CACNB2: variants seen among roughly 807,000 people sequenced by gnomAD.
The protein encoded by CACNB2 is voltage-dependent L-type calcium channel subunit beta-2.
Under a neutral mutation model 73.3 loss-of-function variants are expected in CACNB2, and 42 were observed. That is an observed-to-expected ratio of 0.57 (90% CI 0.45 to 0.74). The LOEUF (loss-of-function observed/expected upper bound fraction) is 0.74. Among genes scored for constraint, CACNB2 ranks in the 30% least tolerant of loss-of-function variants. CACNB2 has a pLI of 0.00. For synonymous variants in CACNB2, 348 were observed against 310.3 expected (o/e 1.12, Z -1.28); for missense variants, 940 against 853.0 (o/e 1.10, Z -1.27).
At chr10:18,428,832 A>G (rs183082533) in intron 3 of CACNB2, among the ~76,000 whole-genome samples, 15 of 152,352 alleles carry the variant, frequency 9.8e-5, no homozygotes, top group East Asian at 1.9e-4. Context: ...CTTAAAATCT[A>G]AAGTTAACCA....
rs540981274 is a variant in CACNB2 at position 18,170,071 on chromosome 10, T to C, written c.213+19096T>C. Among the ~76,000 whole-genome samples the C allele has an allele frequency of 1.0e-3, 158 of 152,318 alleles. 2 individuals carry two copies. Among genetic ancestry groups the C allele is most frequent in the African/African-American group, 3.4e-3 (142 of 41,584 alleles). On this transcript the variant is annotated intron_variant, in intron 2 of 13. Transcript: ENST00000324631. ...ATACTGCAGTGCACCTCATTGGCTC[T>C]GGTTGGATGATGGCATGTCCATGAA... is the stretch of plus-strand genomic sequence containing the variant.
chr10:18,377,067 A>G (rs2042827459), intron 2 of CACNB2, among the ~76,000 whole-genome samples: 2 of 152,216 alleles, frequency 1.3e-5, no homozygotes, highest in South Asian at 4.1e-4. Flanking sequence ...ATTTACCCTG[A>G]AGTGATTATT....
intron 2 of CACNB2, among the ~76,000 whole-genome samples, chr10:18,373,727 G>T (rs959478307): frequency 2.0e-5 from 3 of 152,202 alleles, no homozygotes. Flanking sequence ...GTATTTTTTT[G>T]ATTTATATTT....
intron 3 of CACNB2, among the ~76,000 whole-genome samples, chr10:18,450,714 C>A (rs561549498): frequency 7.0e-4 from 106 of 151,578 alleles, no homozygotes; most frequent in African/African-American, 2.5e-3. Context: ...TCGCCGCCCC[C>A]TGGGTTCAAG....
In CACNB2 at chr10:18,191,334, C is replaced by G. The variant is rs571032156; in HGVS notation, c.213+40359C>G. ...CTGGGGAAGGAACTAGAACTTGACACCAGCTGCCCCCCGTGTATTGCTGCT... is the reference window on the plus strand; with the variant it reads ...CTGGGGAAGGAACTAGAACTTGACAGCAGCTGCCCCCCGTGTATTGCTGCT... On this transcript the variant is annotated intron_variant, in intron 2 of 13. Coordinates refer to ENST00000324631, the MANE Select transcript of CACNB2 (RefSeq NM_201596.3). Among the ~76,000 whole-genome samples the G allele has an allele frequency of 3.3e-5, 5 of 152,328 alleles. No homozygotes were observed. The South Asian group carries it at 1.0e-3, about 32-fold the overall frequency.
At chr10:18,485,848 G>T (rs1474500759) in intron 3 of CACNB2, among the ~76,000 whole-genome samples, 3 of 151,196 alleles carry the variant, frequency 2.0e-5, no homozygotes, top group Non-Finnish European at 4.4e-5. Flanking sequence ...CTCCCAAAGT[G>T]CTGGGATTAC....
At chr10:18,453,814 A>G (rs995393081) in intron 3 of CACNB2, among the ~76,000 whole-genome samples, 2 of 152,102 alleles carry the variant, frequency 1.3e-5, no homozygotes, top group Non-Finnish European at 2.9e-5. Flanking sequence ...TATTTTTAGT[A>G]GAGACCAGGT....
intron 2 of CACNB2, among the ~76,000 whole-genome samples, chr10:18,231,433 C>A (rs1029375998): frequency 2.0e-5 from 3 of 152,226 alleles, no homozygotes; most frequent in African/African-American, 7.2e-5. Flanking sequence ...CCTGCCTCGG[C>A]CTCCCAAAGT....
intron 2 of CACNB2, chr10:18,400,848 G>C (rs758619948): frequency 6.1e-6 from 9 of 1,471,248 alleles, no homozygotes; most frequent in African/African-American, 1.4e-5. Context: ...GGGAAAATAA[G>C]AATCTCCCTG....
intron 2 of CACNB2, among the ~76,000 whole-genome samples, chr10:18,279,013 T>A (rs1422098869): frequency 6.6e-6 from 1 of 152,096 alleles, no homozygotes; most frequent in African/African-American, 2.4e-5. Context: ...AGAGATCCTG[T>A]CTTACAAAAA....
At chr10:18,514,636 C>T (rs1047904099) in intron 7 of CACNB2, 32 of 1,314,706 alleles carry the variant, frequency 2.4e-5, no homozygotes, top group Non-Finnish European at 3.4e-5. Flanking sequence ...AGCAAAGAAC[C>T]TATCAACAGC....
intron 3 of CACNB2, among the ~76,000 whole-genome samples, chr10:18,431,869 A>G (rs1170207235): frequency 6.6e-6 from 1 of 151,880 alleles, no homozygotes; most frequent in African/African-American, 2.4e-5. Context: ...GGTTCAAGCA[A>G]TTTTTCTGAC....
intron 2 of CACNB2, among the ~76,000 whole-genome samples, chr10:18,372,652 C>A (rs1434514842): frequency 6.6e-6 from 1 of 152,208 alleles, no homozygotes; most frequent in African/African-American, 2.4e-5. Flanking sequence ...GGTCATCCAC[C>A]CGCCTTCGCC....
chr10:18,241,612 A>C (rs1051293876), intron 2 of CACNB2, among the ~76,000 whole-genome samples: 8 of 152,218 alleles, frequency 5.3e-5, no homozygotes, highest in Admixed American at 4.6e-4. Flanking sequence ...CAGGTGACCT[A>C]TAAAGAGGTA....
chr10:18,257,890 T>C (rs2037351336), intron 2 of CACNB2, among the ~76,000 whole-genome samples: 1 of 152,150 alleles, frequency 6.6e-6, no homozygotes, highest in East Asian at 1.9e-4. Context: ...ATTACAGACA[T>C]GTGCCACCCT....
chr10:18,337,570 A>G (rs2041058151), intron 2 of CACNB2, among the ~76,000 whole-genome samples: 1 of 152,172 alleles, frequency 6.6e-6, no homozygotes. Flanking sequence ...TCAGAATACA[A>G]AGAAGCATAG....
At chr10:18,428,945 T>C (rs1478157137) in intron 3 of CACNB2, among the ~76,000 whole-genome samples, 1 of 152,170 alleles carries the variant, frequency 6.6e-6, no homozygotes, top group African/African-American at 2.4e-5. Flanking sequence ...CCAAATATTT[T>C]TACCATTTAA....
intron 2 of CACNB2, among the ~76,000 whole-genome samples, chr10:18,307,244 A>G (rs2039766087): frequency 6.6e-6 from 1 of 152,152 alleles, no homozygotes; most frequent in African/African-American, 2.4e-5. Context: ...CGGGCAGATC[A>G]CGAGGCCTGA....
At chr10:18,325,970 C>T (rs947728009) in intron 2 of CACNB2, among the ~76,000 whole-genome samples, 3 of 151,954 alleles carry the variant, frequency 2.0e-5, no homozygotes, top group Admixed American at 6.6e-5. Context: ...GTCTTGAACT[C>T]CTGGGCTCAA....
Sources: gnomAD v4.1 joint callset for allele counts (sites outside exome capture counted in the v4.1 genomes callset) on GRCh38, gnomAD v4.1.1 for gene constraint, MANE v1.5 for transcripts, NCBI Gene and HGNC (gene_info 2026-07-23, HGNC 2026-07-21) for gene names.